STX5: variants seen among roughly 807,000 people sequenced by gnomAD.
STX5 encodes the protein syntaxin-5.
In STX5, 15 loss-of-function variants were observed where a neutral mutation model predicts 42.9. That is an observed-to-expected ratio of 0.35 (90% CI 0.23 to 0.54). The LOEUF (loss-of-function observed/expected upper bound fraction) is 0.54, where lower values mean the gene tolerates loss of function less well. Ranked by LOEUF, STX5 falls within the 20% of genes least tolerant of loss-of-function variation. The pLI, the probability that STX5 is intolerant of heterozygous loss-of-function variation, is 0.91. For missense variants in STX5, 430 were observed against 455.0 expected, an observed-to-expected ratio of 0.95 and a Z score of 0.50; for synonymous variants, 184 against 173.2, an observed-to-expected ratio of 1.06 and a Z score of -0.49.
Position 62,820,510 on chromosome 11 carries a change from TTTTC to T in STX5, c.908+3652_908+3655del, listed in dbSNP as rs1286176104. Among the ~76,000 whole-genome samples, 5 of 149,574 alleles carry T rather than the reference TTTTC, an allele frequency of 3.3e-5. No homozygotes were observed. The East Asian group carries it at 6.0e-4, about 18-fold the overall frequency. On this transcript the variant is annotated intron_variant, in intron 10 of 10. Transcript: ENST00000294179. The stretch of plus-strand genomic sequence containing the variant: ...TGGATTTAGGGCTGCCATTTTACTA[TTTTC>T]TTTTTCTTTTTTTTTTTTTTGAGAT...
chr11:62,816,013 C>T (rs1391221099), intron 10 of STX5: 1 of 152,012 alleles, frequency 6.6e-6, no homozygotes, highest in Non-Finnish European at 1.5e-5. Context: ...GTGCAGAGGC[C>T]ATGCTAACCT....
intron 2 of STX5, among the ~76,000 whole-genome samples, chr11:62,828,088 T>C (rs2084815462): frequency 6.6e-6 from 1 of 151,102 alleles, no homozygotes; most frequent in Admixed American, 6.6e-5. Context: ...GAAGAGCAGC[T>C]TTACCATGAG....
intron 8 of STX5, among the ~76,000 whole-genome samples, chr11:62,824,816 C>A (rs1373402942): frequency 6.6e-6 from 1 of 152,174 alleles, no homozygotes; most frequent in Non-Finnish European, 1.5e-5. Flanking sequence ...TAGAAATTAT[C>A]ATTATTCTGA....
chr11:62,830,629 TTAAC>T (rs2084846145), intron 2 of STX5: 6 of 459,932 alleles, frequency 1.3e-5, no homozygotes, highest in South Asian at 8.3e-5. Context: ...TGTAACTAGA[TTAAC>T]TAATTTTCTC....
chr11:62,818,245 CAAA>C (rs71056566), intron 10 of STX5, among the ~76,000 whole-genome samples: 2 of 74,920 alleles, frequency 2.7e-5, no homozygotes, highest in African/African-American at 6.7e-5. Context: ...AACTCCATCT[CAAA>C]AAAAAAAAAA....
chr11:62,830,958 C>T lies in STX5; in HGVS notation c.225+61G>A. Reference sequence around the variant, plus strand: ...ATTACTTCGGTTAACAGTGGTGGAGCACAGTCCTTCCTAGATTTGAGTAAG... The same window carrying T: ...ATTACTTCGGTTAACAGTGGTGGAGTACAGTCCTTCCTAGATTTGAGTAAG... On this transcript the variant is annotated intron_variant, in intron 2 of 10. Coordinates refer to ENST00000294179, the MANE Select transcript of STX5 (RefSeq NM_003164.5). The T allele has an allele frequency of 2.8e-6, 4 of 1,441,670 alleles. No individual in the cohort carries two copies. In the South Asian group the frequency reaches 3.7e-5, roughly 13 times the overall value. The allele number at this position is 1,441,670 out of a possible 1,614,324, so 89.3% of individuals were successfully genotyped here. A position where few individuals can be genotyped will look rare whatever the true frequency, so the allele number is the denominator to read the frequency against.
intron 10 of STX5, among the ~76,000 whole-genome samples, chr11:62,819,537 T>C (rs78532398): frequency 6.6e-6 from 1 of 151,864 alleles, no homozygotes; most frequent in Non-Finnish European, 1.5e-5. Context: ...TTTTTTTTTT[T>C]GAGACAGGGT....
At chr11:62,830,335 C>T (rs2084842429) in intron 2 of STX5, 1 of 305,208 alleles carries the variant, frequency 3.3e-6, no homozygotes, top group Non-Finnish European at 6.6e-6. Flanking sequence ...TGATCTAGGG[C>T]CAGGTGTGGT....
At chr11:62,810,277 C>CA (rs2084603261) in intron 10 of STX5, among the ~76,000 whole-genome samples, 2 of 151,590 alleles carry the variant, frequency 1.3e-5, no homozygotes, top group Admixed American at 1.3e-4. Context: ...TCTGTCTCTA[C>CA]AAAAAAATTT....
At chr11:62,808,907 A>AG (rs1420177702) in intron 10 of STX5, among the ~76,000 whole-genome samples, 1 of 152,226 alleles carries the variant, frequency 6.6e-6, no homozygotes, top group Non-Finnish European at 1.5e-5. Context: ...ATAAAACAAA[A>AG]GGCCCACTGA....
rs747469887 is a variant in STX5 at position 62,825,469 on chromosome 11, C to T, written c.494G>A (p.Gly165Asp). 49 of 1,613,952 alleles carry T rather than the reference C, an allele frequency of 3.0e-5. 1 individual carries two copies. In the South Asian group the frequency reaches 5.1e-4, roughly 17 times the overall value. ...DFVRAKGSQS[G>D]RHLQTHSNTI... ...GTTGGAGTGGGTCTGCAGGTGCCGG[C>T]CACTCTGGCTGCCCTTGGCTCTCAC... Residue 165 changes from glycine (G) to aspartate (D), a missense_variant, in exon 6 of 11, where the codon GGC becomes GAC. Physicochemically the swap from Gly to Asp is moderately conservative, Grantham distance 94. Coordinates refer to ENST00000294179, the MANE Select transcript of STX5 (RefSeq NM_003164.5).
chr11:62,825,301 A>T lies in STX5; in HGVS notation c.579T>A (p.Val193=). Residue 193 remains valine (V), a synonymous_variant, in exon 7 of 11, where the codon GTT becomes GTA. Coordinates refer to ENST00000294179, the MANE Select transcript of STX5 (RefSeq NM_003164.5). Reference sequence around the variant, plus strand: ...TTCTCACCTCTGTCCTCACTTCTAAAACCGATTTGAAGTCATTGGACATAG... The same window carrying T: ...TTCTCACCTCTGTCCTCACTTCTAATACCGATTTGAAGTCATTGGACATAG... ...LASMSNDFKS[V]LEVRTENLKQ... 1 of 1,614,104 alleles carries T rather than the reference A, an allele frequency of 6.2e-7. No homozygotes were observed.
chr11:62,826,850 G>A (rs1213524996), intron 5 of STX5, among the ~76,000 whole-genome samples: 23 of 149,574 alleles, frequency 1.5e-4, no homozygotes, highest in African/African-American at 5.2e-4. Context: ...ACTGCACTCC[G>A]GCCTGGGTGA....
intron 10 of STX5, among the ~76,000 whole-genome samples, chr11:62,816,580 A>G (rs979095150): frequency 1.3e-5 from 2 of 152,004 alleles, no homozygotes; most frequent in African/African-American, 4.8e-5. Flanking sequence ...CCAAATTTTC[A>G]TAGTAAAAAA....
chr11:62,824,080 G>A (rs2084767134), intron 10 of STX5, 86 bp downstream of exon 10: 1 of 1,589,808 alleles, frequency 6.3e-7, no homozygotes, highest in Non-Finnish European at 8.6e-7. Flanking sequence ...CTTCCAAAAG[G>A]CATCAAGCAG....
chr11:62,827,972 A>G (rs1425871042), intron 2 of STX5, among the ~76,000 whole-genome samples: 2 of 150,800 alleles, frequency 1.3e-5, no homozygotes, highest in Non-Finnish European at 2.9e-5. Flanking sequence ...TCAGTCAACT[A>G]CCTGGTACAT....
chr11:62,828,511 G>A (rs1403287403), intron 2 of STX5, among the ~76,000 whole-genome samples: 1 of 151,878 alleles, frequency 6.6e-6, no homozygotes, highest in Non-Finnish European at 1.5e-5. Context: ...CGGATCACGA[G>A]GTCAAGAGAT....
intron 10 of STX5, among the ~76,000 whole-genome samples, chr11:62,816,396 G>A (rs11231231): frequency 0.085 from 12,891 of 151,942 alleles, 682 homozygotes; most frequent in East Asian, 0.15. Flanking sequence ...GATCTTCTCC[G>A]CTGAGCCTCC....
intron 9 of STX5, 67 bp downstream of exon 9, chr11:62,824,392 A>G: frequency 1.9e-6 from 3 of 1,613,110 alleles, no homozygotes; most frequent in Non-Finnish European, 2.5e-6. Flanking sequence ...GCACACTCCA[A>G]ACACTCTCTC....
Sources: allele counts gnomAD v4.1 joint callset (sites outside exome capture counted in the v4.1 genomes callset), GRCh38; gene constraint gnomAD v4.1.1; transcripts MANE v1.5; gene names NCBI Gene and HGNC (gene_info 2026-07-23, HGNC 2026-07-21).